Variants in SMAD1 observed in about 807,000 individuals in gnomAD.
The protein encoded by SMAD1 is MAD, mothers against decapentaplegic homolog 1.
SMAD1 carries 6 observed loss-of-function variants against 41.6 expected under a neutral mutation model. The ratio of observed to expected loss-of-function variants is 0.14; its 90% CI spans 0.08 to 0.28. SMAD1 has a LOEUF of 0.28. Ranked by LOEUF, SMAD1 falls within the 10% of genes least tolerant of loss-of-function variation. SMAD1 has a pLI of 1.00. For synonymous variants in SMAD1, 206 were observed against 203.2 expected, an observed-to-expected ratio of 1.01 and a Z score of -0.12; for missense variants, 379 against 582.6, an observed-to-expected ratio of 0.65 and a Z score of 3.60.
intron 6 of SMAD1, among the ~76,000 whole-genome samples, chr4:145,556,402 C>A (rs1305394674): frequency 1.3e-5 from 2 of 151,880 alleles, no homozygotes; most frequent in African/African-American, 4.8e-5. Flanking sequence ...ATATATATAT[C>A]TACATAGATG....
At chr4:145,509,892 C>A (rs984234097) in intron 1 of SMAD1, among the ~76,000 whole-genome samples, 6 of 152,066 alleles carry the variant, frequency 3.9e-5, no homozygotes, top group Non-Finnish European at 8.8e-5. Context: ...GTTGACGCTC[C>A]GTATTTGGCT....
intron 6 of SMAD1, among the ~76,000 whole-genome samples, chr4:145,557,548 A>G (rs1732909409): frequency 6.6e-6 from 1 of 152,180 alleles, no homozygotes; most frequent in South Asian, 2.1e-4. Flanking sequence ...ATTCCTCAAG[A>G]CCAGCAATTC....
chr4:145,509,883 T>C (rs1405437160), intron 1 of SMAD1, among the ~76,000 whole-genome samples: 2 of 152,012 alleles, frequency 1.3e-5, no homozygotes, highest in Non-Finnish European at 2.9e-5. Context: ...CCAAATAGAG[T>C]TGACGCTCCG....
intron 1 of SMAD1, among the ~76,000 whole-genome samples, chr4:145,506,153 T>G (rs1046935218): frequency 2.0e-5 from 3 of 152,116 alleles, no homozygotes; most frequent in East Asian, 1.9e-4. Context: ...TCAAACAGAA[T>G]TTTTATAAAG....
chr4:145,502,006 G>A (rs996306831), intron 1 of SMAD1, among the ~76,000 whole-genome samples: 4 of 152,048 alleles, frequency 2.6e-5, no homozygotes, highest in Admixed American at 6.6e-5. Flanking sequence ...AGCCACTTAC[G>A]GAAATCTACC....
At chr4:145,556,801 A>G (rs1053106375) in intron 6 of SMAD1, among the ~76,000 whole-genome samples, 5 of 152,050 alleles carry the variant, frequency 3.3e-5, no homozygotes, top group African/African-American at 1.2e-4. Context: ...AGTGATTCTC[A>G]TGCCTGAGCC....
At chr4:145,545,030 T>C (rs1232347555) in intron 4 of SMAD1, 1 of 152,244 alleles carries the variant, frequency 6.6e-6, no homozygotes, top group Non-Finnish European at 1.5e-5. Flanking sequence ...GAAGGAATGT[T>C]GGCCATTTTT....
At chr4:145,518,748 TCTG>T (rs147667994) in intron 2 of SMAD1, among the ~76,000 whole-genome samples, 1,925 of 126,308 alleles carry the variant, frequency 0.015, 228 homozygotes, top group African/African-American at 0.044. Flanking sequence ...CTTGGTGACT[TCTG>T]CTGAGGTCTC....
At chr4:145,487,881 AG>A (rs112129955) in intron 1 of SMAD1, among the ~76,000 whole-genome samples, 18,617 of 152,194 alleles carry the variant, frequency 0.12, 3,511 homozygotes, top group African/African-American at 0.41. Context: ...AGAAAAGAAA[AG>A]CCAAAAGTTT....
chr4:145,502,743 A>G (rs1729518598), intron 1 of SMAD1: 2 of 152,234 alleles, frequency 1.3e-5, no homozygotes, highest in Admixed American at 1.3e-4. Context: ...CCTTTTCATC[A>G]AGGAGATGCT....
intron 2 of SMAD1, among the ~76,000 whole-genome samples, chr4:145,530,308 T>A (rs574552624): frequency 6.6e-6 from 1 of 152,166 alleles, no homozygotes; most frequent in Admixed American, 6.5e-5. Context: ...CTTGGAAATA[T>A]GGCCAAGTGA....
At chr4:145,541,104 C>G (rs1731906749) in intron 3 of SMAD1, among the ~76,000 whole-genome samples, 1 of 152,090 alleles carries the variant, frequency 6.6e-6, no homozygotes. Context: ...CTGTCTACCT[C>G]TCTCCCTTCC....
chr4:145,552,235 A>T (rs1422520288), intron 5 of SMAD1, among the ~76,000 whole-genome samples: 2 of 152,234 alleles, frequency 1.3e-5, no homozygotes, highest in Non-Finnish European at 2.9e-5. Context: ...TTTTCTCTAT[A>T]TCAGGCCAAA....
At chr4:145,511,688 T>C (rs942957121) in intron 1 of SMAD1, among the ~76,000 whole-genome samples, 2 of 152,246 alleles carry the variant, frequency 1.3e-5, no homozygotes, top group African/African-American at 4.8e-5. Flanking sequence ...TACTTTACCA[T>C]GGCCTGGATA....
chr4:145,495,823 T>C (rs957811347), intron 1 of SMAD1, among the ~76,000 whole-genome samples: 2 of 149,396 alleles, frequency 1.3e-5, no homozygotes, highest in African/African-American at 5.0e-5. Context: ...TTGCCCAGGC[T>C]GATCTCAAAC....
rs951629094 is a variant in SMAD1, at chr4:145,557,957, G to A, written c.*23G>A. On this transcript the variant is annotated 3_prime_UTR_variant, in exon 7 of 7. Transcript: ENST00000302085. ...TAAATGGCCCCAGGCATCTGCCTCT[G>A]GAAAACTATTGAGCCTTGCATGTAC... 4 of 1,579,522 alleles carry A rather than the reference G, an allele frequency of 2.5e-6. No homozygotes were observed. Among genetic ancestry groups the A allele is most frequent in the Non-Finnish European group, 3.5e-6 (4 of 1,159,204 alleles).
intron 2 of SMAD1, among the ~76,000 whole-genome samples, chr4:145,532,147 A>G (rs140532007): frequency 0.014 from 2,202 of 152,358 alleles, 24 homozygotes; most frequent in Middle Eastern, 0.031. Flanking sequence ...AAAGCTGAGT[A>G]TAATAGCAGA....
chr4:145,558,741 G>T lies in SMAD1; in HGVS notation c.*807G>T, dbSNP rs935925574. Among the ~76,000 whole-genome samples, 2 of 37,742 alleles carry T rather than the reference G, an allele frequency of 5.3e-5. No individual in the cohort carries two copies. The highest frequency in any genetic ancestry group is 1.3e-4 in the Non-Finnish European group (2 of 15,990). 24.8% of individuals were successfully genotyped at this position (37,742 alleles called of 152,430 possible). A position where few individuals can be genotyped will look rare whatever the true frequency, so the allele number is the denominator to read the frequency against. On this transcript the variant is annotated 3_prime_UTR_variant, in exon 7 of 7. Coordinates refer to ENST00000302085, the MANE Select transcript of SMAD1 (RefSeq NM_005900.3). ...GATTTTTATCATTTTTTTCTCTCTC[G>T]GCATTCTTTTTTCTCATACTCTTCA...
chr4:145,538,241 C>G (rs2126506382), intron 2 of SMAD1, among the ~76,000 whole-genome samples: 1 of 152,184 alleles, frequency 6.6e-6, no homozygotes, highest in East Asian at 1.9e-4. Flanking sequence ...ATTGGGGATC[C>G]CTTATCAGGA....
Sources: allele counts gnomAD v4.1 joint callset (sites outside exome capture counted in the v4.1 genomes callset), GRCh38; gene constraint gnomAD v4.1.1; transcripts MANE v1.5; gene names NCBI Gene and HGNC (gene_info 2026-07-23, HGNC 2026-07-21).